Variants in CALN1 observed in about 807,000 individuals in gnomAD.
The protein encoded by CALN1 is calneuron 1.
A neutral mutation model predicts 30.6 loss-of-function variants in CALN1; 17 were observed. The ratio of observed to expected loss-of-function variants is 0.56; its 90% CI spans 0.38 to 0.83. The LOEUF (loss-of-function observed/expected upper bound fraction) is 0.83. CALN1 is among the 40% of genes least tolerant of loss of function. The pLI, the probability that CALN1 is intolerant of heterozygous loss-of-function variation, is 0.00. For synonymous variants in CALN1, 156 were observed against 131.4 expected (o/e 1.19, Z -1.28); for missense variants, 291 against 354.9 (o/e 0.82, Z 1.45).
intron 5 of CALN1, among the ~76,000 whole-genome samples, chr7:71,856,011 T>C (rs1203436854): frequency 2.0e-5 from 3 of 152,030 alleles, no homozygotes. Flanking sequence ...TGAGACAGGG[T>C]CTCTATGTAT....
chr7:72,383,806 C>A (rs1450929376), intron 2 of CALN1, among the ~76,000 whole-genome samples: 4 of 152,174 alleles, frequency 2.6e-5, no homozygotes, highest in Non-Finnish European at 5.9e-5. Flanking sequence ...AGGGTGGAGG[C>A]ATAGATGAGT....
At chr7:71,922,538 TATAA>T (rs1448904978) in intron 5 of CALN1, among the ~76,000 whole-genome samples, 7 of 134,806 alleles carry the variant, frequency 5.2e-5, no homozygotes, top group African/African-American at 2.1e-4. Context: ...ATATATTATA[TATAA>T]ATATATAACA....
At chr7:72,008,247 A>G (rs950722347) in intron 5 of CALN1, among the ~76,000 whole-genome samples, 7 of 152,188 alleles carry the variant, frequency 4.6e-5, no homozygotes, top group Non-Finnish European at 7.4e-5. Context: ...TGAAAAACCA[A>G]TAACAAGTAT....
chr7:72,268,542 A>G (rs1468957308), intron 3 of CALN1, among the ~76,000 whole-genome samples: 2 of 152,224 alleles, frequency 1.3e-5, no homozygotes, highest in Admixed American at 6.5e-5. Flanking sequence ...ATGGTGGCTC[A>G]TGCCTATAAT....
chr7:71,838,762 G>T (rs1201791253), intron 5 of CALN1, among the ~76,000 whole-genome samples: 2 of 152,122 alleles, frequency 1.3e-5, no homozygotes, highest in Non-Finnish European at 2.9e-5. Flanking sequence ...GGTTTTATAA[G>T]GGGCTTTTCC....
intron 4 of CALN1, among the ~76,000 whole-genome samples, chr7:72,057,901 G>C (rs748103114): frequency 6.6e-6 from 1 of 152,166 alleles, no homozygotes; most frequent in Non-Finnish European, 1.5e-5. Context: ...ACATGAAAGC[G>C]TTCTTGAGGG....
chr7:72,414,089 C>T (rs550317619), upstream of CALN1, among the ~76,000 whole-genome samples: 38 of 152,196 alleles, frequency 2.5e-4, no homozygotes, highest in East Asian at 7.4e-3. Context: ...CTTCCCATCA[C>T]CCTCGCCAAG....
chr7:72,321,737 T>C (rs1003144454), intron 2 of CALN1, among the ~76,000 whole-genome samples: 2 of 152,220 alleles, frequency 1.3e-5, no homozygotes, highest in African/African-American at 4.8e-5. Context: ...GCCTTTAACG[T>C]GACTATACCC....
intron 6 of CALN1, among the ~76,000 whole-genome samples, chr7:71,798,723 G>C (rs181593442): frequency 2.0e-5 from 3 of 148,432 alleles, no homozygotes; most frequent in East Asian, 4.3e-4. Flanking sequence ...CGGGGTTCAA[G>C]CAATTCTCCT....
chr7:71,815,360 G>A (rs1424220936), intron 5 of CALN1, among the ~76,000 whole-genome samples: 1 of 152,118 alleles, frequency 6.6e-6, no homozygotes. Flanking sequence ...AATCAACTGA[G>A]AGCCAAAGTG....
intron 5 of CALN1, among the ~76,000 whole-genome samples, chr7:71,857,419 T>TTAAA (rs1338230741): frequency 6.6e-6 from 1 of 152,134 alleles, no homozygotes; most frequent in Non-Finnish European, 1.5e-5. Context: ...TCAAAGGAGT[T>TTAAA]TAAATGGAGG....
intron 3 of CALN1, among the ~76,000 whole-genome samples, chr7:72,117,296 A>G (rs1013088183): frequency 6.6e-6 from 1 of 152,172 alleles, no homozygotes; most frequent in African/African-American, 2.4e-5. Flanking sequence ...AAGTCAGAAG[A>G]AAGGAATGCT....
At chr7:72,435,994 G>T (rs1213629966) in intron 1 of CALN1, among the ~76,000 whole-genome samples, 2 of 152,152 alleles carry the variant, frequency 1.3e-5, no homozygotes, top group Non-Finnish European at 2.9e-5. Context: ...CAGAGTGGCT[G>T]CAAGGGAAAT....
intron 3 of CALN1, among the ~76,000 whole-genome samples, chr7:72,260,062 T>A (rs1374210142): frequency 6.6e-6 from 1 of 152,040 alleles, no homozygotes; most frequent in East Asian, 1.9e-4. Flanking sequence ...TGAGATACCA[T>A]CTCTACAAAA....
intron 3 of CALN1, among the ~76,000 whole-genome samples, chr7:72,268,594 C>T (rs558595923): frequency 6.6e-6 from 1 of 152,134 alleles, no homozygotes; most frequent in Admixed American, 6.5e-5. Flanking sequence ...TCCCTTGAGC[C>T]CAGGCGTTCA....
At chr7:71,975,587 C>T (rs1420498616) in intron 5 of CALN1, among the ~76,000 whole-genome samples, 3 of 151,926 alleles carry the variant, frequency 2.0e-5, no homozygotes, top group Non-Finnish European at 2.9e-5. Flanking sequence ...CCACCACAAC[C>T]AGCTAATTTT....
intron 5 of CALN1, among the ~76,000 whole-genome samples, chr7:71,986,777 T>C (rs1798694460): frequency 1.3e-5 from 2 of 152,344 alleles, no homozygotes; most frequent in African/African-American, 4.8e-5. Context: ...TTATATAACA[T>C]GGTGTTTCCT....
chr7:72,024,896 A>G (rs1429338357), intron 4 of CALN1, among the ~76,000 whole-genome samples: 1 of 152,152 alleles, frequency 6.6e-6, no homozygotes, highest in Admixed American at 6.5e-5. Flanking sequence ...TCTTTCTCTA[A>G]GACGGAGCTG....
At chr7:72,190,142 G>C (rs1790497224) in intron 3 of CALN1, among the ~76,000 whole-genome samples, 1 of 152,152 alleles carries the variant, frequency 6.6e-6, no homozygotes, top group Non-Finnish European at 1.5e-5. Context: ...GATCACCTAA[G>C]GTCAGGAGTT....
Sources: gnomAD v4.1 joint callset for allele counts (sites outside exome capture counted in the v4.1 genomes callset) on GRCh38, gnomAD v4.1.1 for gene constraint, MANE v1.5 for transcripts, NCBI Gene and HGNC (gene_info 2026-07-23, HGNC 2026-07-21) for gene names.